JAM2: variants seen among roughly 807,000 people sequenced by gnomAD.
The protein encoded by JAM2 is junctional adhesion molecule 2.
JAM2 carries 17 observed loss-of-function variants against 42.0 expected under a neutral mutation model. The ratio of observed to expected loss-of-function variants is 0.40; its 90% CI spans 0.28 to 0.61. The LOEUF is 0.61. Among genes scored for constraint, JAM2 ranks in the 20% least tolerant of loss-of-function variants. The pLI is 0.37. For missense variants in JAM2, 319 were observed against 358.3 expected (o/e 0.89, Z 0.89); for synonymous variants, 118 against 128.6 (o/e 0.92, Z 0.56).
intron 1 of JAM2, among the ~76,000 whole-genome samples, chr21:25,647,070 A>G (rs115542878): frequency 0.014 from 2,115 of 152,308 alleles, 40 homozygotes; most frequent in African/African-American, 0.047. Flanking sequence ...CATTTTGTCA[A>G]TGCAGTCACC....
At chr21:25,670,444 C>A (rs941301599) in intron 1 of JAM2, among the ~76,000 whole-genome samples, 1 of 151,934 alleles carries the variant, frequency 6.6e-6, no homozygotes, top group Non-Finnish European at 1.5e-5. Context: ...TATGATCACG[C>A]CACTGCACTC....
chr21:25,693,997 GC>G, intron 4 of JAM2, 89 bp downstream of exon 4: 1 of 1,271,784 alleles, frequency 7.9e-7, no homozygotes, highest in Non-Finnish European at 1.1e-6. Context: ...CCATAAACAT[GC>G]CAGCATCAAC....
intron 4 of JAM2, among the ~76,000 whole-genome samples, chr21:25,694,248 A>G (rs2033947843): frequency 2.0e-5 from 3 of 152,330 alleles, no homozygotes; most frequent in African/African-American, 7.2e-5. Flanking sequence ...CCAACCATTT[A>G]AAGTAGTATC....
chr21:25,652,850 T>C (rs1568888857), intron 1 of JAM2, among the ~76,000 whole-genome samples: 1 of 152,198 alleles, frequency 6.6e-6, no homozygotes, highest in East Asian at 1.9e-4. Flanking sequence ...TCAATCAGCT[T>C]TGAAGAAGTA....
At chr21:25,695,875 C>A (rs916003233) in intron 4 of JAM2, among the ~76,000 whole-genome samples, 7 of 151,630 alleles carry the variant, frequency 4.6e-5, no homozygotes, top group Non-Finnish European at 1.0e-4. Context: ...AGATGGGCGG[C>A]CGGGAAGAGG....
chr21:25,666,341 T>TA (rs1568896123), intron 1 of JAM2, among the ~76,000 whole-genome samples: 1 of 151,372 alleles, frequency 6.6e-6, no homozygotes, highest in Admixed American at 6.6e-5. Context: ...TTATTATTAT[T>TA]TGAGAAGGAG....
At chr21:25,649,666 TACTC>T (rs201369093) in intron 1 of JAM2, among the ~76,000 whole-genome samples, 1,651 of 152,324 alleles carry the variant, frequency 0.011, 12 homozygotes, top group South Asian at 0.019. Flanking sequence ...ATCTCTTTGT[TACTC>T]AATTGATATA....
chr21:25,647,887 AAG>A (rs1424542587), intron 1 of JAM2, among the ~76,000 whole-genome samples: 1 of 152,220 alleles, frequency 6.6e-6, no homozygotes, highest in African/African-American at 2.4e-5. Flanking sequence ...TAAATTTGAA[AAG>A]AGAGAATGGT....
chr21:25,712,510 G>A (rs1299906955), intron 9 of JAM2, 128 bp downstream of exon 9: 2 of 635,200 alleles, frequency 3.1e-6, no homozygotes, highest in African/African-American at 3.7e-5. Context: ...TATCACTGGT[G>A]TTTAAAAGGA....
rs1328629365 is a variant in JAM2, at chr21:25,653,973, AAAG to A, written c.67+14088_67+14090del. Among the ~76,000 whole-genome samples, 4 of 152,346 alleles carry A rather than the reference AAAG, an allele frequency of 2.6e-5. No homozygotes were observed. In the East Asian group the frequency reaches 5.8e-4, roughly 22 times the overall value. ...AATGCATTAATTATAAAGATACAAA[AAAG>A]AAAATCAATAAAATGTTTAAAAGTC... On this transcript the variant is annotated intron_variant, in intron 1 of 9. Transcript: ENST00000480456.
intron 1 of JAM2, among the ~76,000 whole-genome samples, chr21:25,678,722 C>T (rs1486668964): frequency 6.6e-6 from 1 of 152,180 alleles, no homozygotes; most frequent in Non-Finnish European, 1.5e-5. Context: ...ATATGTTTGC[C>T]ATTTAGAGCT....
At chr21:25,703,999 A>C (rs980403866) in intron 6 of JAM2, among the ~76,000 whole-genome samples, 4 of 152,052 alleles carry the variant, frequency 2.6e-5, no homozygotes, top group African/African-American at 9.7e-5. Context: ...TTTTGTCAGT[A>C]GTTTCTTTTA....
rs2032368500 is a variant in JAM2 at position 25,639,689 on chromosome 21, C to T, written c.-133C>T. ...GGGAAACTGACATCCCATCTAGAGCCGTCCCTCCTCTTCCTCCCCTCCCGA... is the reference window on the plus strand; with the variant it reads ...GGGAAACTGACATCCCATCTAGAGCTGTCCCTCCTCTTCCTCCCCTCCCGA... On this transcript the variant is annotated 5_prime_UTR_variant, in exon 1 of 10. Transcript: ENST00000480456. 1 of 602,946 alleles carries T rather than the reference C, an allele frequency of 1.7e-6. No homozygotes were observed. The allele number at this position is 602,946 out of a possible 1,614,324, so 37.3% of individuals were successfully genotyped here. A position where few individuals can be genotyped will look rare whatever the true frequency, so the allele number is the denominator to read the frequency against.
At chr21:25,676,670 T>C (rs766943994) in intron 1 of JAM2, among the ~76,000 whole-genome samples, 12 of 152,212 alleles carry the variant, frequency 7.9e-5, no homozygotes, top group Non-Finnish European at 1.8e-4. Flanking sequence ...TTAAGACAAT[T>C]GTTGACCTCA....
At chr21:25,651,116 C>T (rs1389256511) in intron 1 of JAM2, among the ~76,000 whole-genome samples, 1 of 141,442 alleles carries the variant, frequency 7.1e-6, no homozygotes. Flanking sequence ...GTAAACTGGA[C>T]TATAAATCAA....
intron 1 of JAM2, among the ~76,000 whole-genome samples, chr21:25,662,992 ACT>A (rs1254237532): frequency 6.6e-6 from 1 of 152,182 alleles, no homozygotes; most frequent in Non-Finnish European, 1.5e-5. Flanking sequence ...AGAAGGTTTG[ACT>A]CTGTATGGGA....
intron 1 of JAM2, among the ~76,000 whole-genome samples, chr21:25,649,142 G>A (rs892591277): frequency 3.3e-5 from 5 of 152,154 alleles, no homozygotes; most frequent in Middle Eastern, 3.2e-3. Context: ...AGTAAGCATT[G>A]ATTAAAAACT....
intron 2 of JAM2, among the ~76,000 whole-genome samples, chr21:25,688,299 C>T (rs1027314486): frequency 4.2e-5 from 6 of 142,492 alleles, no homozygotes; most frequent in South Asian, 2.4e-4. Context: ...CCCACACGCA[C>T]GCACACACAC....
chr21:25,649,526 G>T (rs1480893112), intron 1 of JAM2, among the ~76,000 whole-genome samples: 1 of 152,168 alleles, frequency 6.6e-6, no homozygotes, highest in Non-Finnish European at 1.5e-5. Context: ...CCCACAACAT[G>T]TGGGGATTAT....
Sources: gnomAD v4.1 joint callset for allele counts (sites outside exome capture counted in the v4.1 genomes callset) on GRCh38, gnomAD v4.1.1 for gene constraint, MANE v1.5 for transcripts, NCBI Gene and HGNC (gene_info 2026-07-23, HGNC 2026-07-21) for gene names.